GORASP2: variants seen among roughly 807,000 people sequenced by gnomAD.
GORASP2 encodes golgi reassembly stacking protein 2, also known as Golgi reassembly-stacking protein 2.
Under a neutral mutation model 45.7 loss-of-function variants are expected in GORASP2, and 22 were observed. The ratio of observed to expected loss-of-function variants is 0.48; its 90% CI spans 0.34 to 0.69. The LOEUF is 0.69. GORASP2 is among the 30% of genes least tolerant of loss of function. The probability of loss-of-function intolerance (pLI) is 0.01; values close to 1 mark genes in which losing one functional copy is unlikely to be tolerated. For synonymous variants in GORASP2, 221 were observed against 215.6 expected (o/e 1.02, Z -0.22); for missense variants, 491 against 562.7 (o/e 0.87, Z 1.29).
intron 6 of GORASP2, 133 bp downstream of exon 6, chr2:170,954,915 T>G: frequency 1.5e-6 from 1 of 653,472 alleles, no homozygotes; most frequent in South Asian, 2.3e-5. Context: ...TGTGTTACAT[T>G]TGAGGTTCCT....
chr2:170,955,218 GA>G (rs145663658), intron 6 of GORASP2, among the ~76,000 whole-genome samples: 2 of 152,208 alleles, frequency 1.3e-5, no homozygotes, highest in South Asian at 4.2e-4. Context: ...TGAAAGGAGT[GA>G]AAAAAACCAT....
chr2:170,937,659 A>T (rs1703987069), intron 1 of GORASP2, among the ~76,000 whole-genome samples: 2 of 152,082 alleles, frequency 1.3e-5, no homozygotes, highest in African/African-American at 4.8e-5. Flanking sequence ...GAGAGAGGGA[A>T]GGAGGGAGGG....
At chr2:170,933,757 G>T (rs1236878012) in intron 1 of GORASP2, among the ~76,000 whole-genome samples, 1 of 152,190 alleles carries the variant, frequency 6.6e-6, no homozygotes, top group Non-Finnish European at 1.5e-5. Flanking sequence ...CAAGTATTCA[G>T]TGTGGAGACT....
chr2:170,941,853 C>A (rs1350252714), intron 1 of GORASP2, among the ~76,000 whole-genome samples: 1 of 151,996 alleles, frequency 6.6e-6, no homozygotes, highest in African/African-American at 2.4e-5. Flanking sequence ...CATGTGTATA[C>A]CCATTTCTGT....
chr2:170,929,982 CT>C, intron 1 of GORASP2: 1 of 335,266 alleles, frequency 3.0e-6, no homozygotes, highest in South Asian at 2.2e-5. Flanking sequence ...TTTGACCAGA[CT>C]TTTCCTTTCC....
At chr2:170,957,974 A>G (rs147411864) in intron 7 of GORASP2, among the ~76,000 whole-genome samples, 1 of 151,984 alleles carries the variant, frequency 6.6e-6, no homozygotes, top group Non-Finnish European at 1.5e-5. Context: ...AATACCTTTT[A>G]TTTCTGGGCT....
upstream of GORASP2, chr2:170,929,247 C>G: frequency 1.0e-6 from 1 of 995,870 alleles, no homozygotes; most frequent in Non-Finnish European, 1.3e-6. Context: ...GCGAGTGCCA[C>G]GTCCCAAGTG....
At chr2:170,962,455 T>C (rs1704584372) in intron 8 of GORASP2, among the ~76,000 whole-genome samples, 1 of 152,226 alleles carries the variant, frequency 6.6e-6, no homozygotes, top group Non-Finnish European at 1.5e-5. Context: ...ATAAGAAATT[T>C]TAAAAGTCAT....
intron 5 of GORASP2, among the ~76,000 whole-genome samples, chr2:170,952,158 G>C (rs1704313943): frequency 6.6e-6 from 1 of 152,154 alleles, no homozygotes; most frequent in Admixed American, 6.5e-5. Flanking sequence ...TCTCTAGTTA[G>C]AAGAATACTC....
At chr2:170,955,832 T>C (rs898182413) in intron 6 of GORASP2, among the ~76,000 whole-genome samples, 20 of 152,226 alleles carry the variant, frequency 1.3e-4, no homozygotes. Context: ...CGGAATGTAC[T>C]GAAGGGCACT....
chr2:170,945,654 A>C (rs1244220298), intron 1 of GORASP2, among the ~76,000 whole-genome samples: 1 of 152,176 alleles, frequency 6.6e-6, no homozygotes, highest in East Asian at 1.9e-4. Flanking sequence ...TAGACGTTGA[A>C]CCGTCTATAT....
At chr2:170,936,759 G>C (rs562066345) in intron 1 of GORASP2, 6 of 604,276 alleles carry the variant, frequency 9.9e-6, no homozygotes, top group Admixed American at 2.4e-5. Flanking sequence ...TTAAGACCAC[G>C]CTGGGCAACA....
At chr2:170,950,148 C>A in intron 3 of GORASP2, 56 bp from the exon 4 acceptor site, 1 of 856,122 alleles carries the variant, frequency 1.2e-6, no homozygotes, top group South Asian at 1.7e-5. Context: ...GACTATAAAC[C>A]TTGGAAGATT....
At position 170,949,527 on chromosome 2, in the gene GORASP2, A is replaced by G. The variant is rs375691634; in HGVS notation, c.145-12A>G. On this transcript the variant is annotated splice_polypyrimidine_tract_variant and intron_variant, in intron 2 of 9. Transcript: ENST00000234160. ...TTATTTACTAAGGAATGTGATTTCT[A>G]TGTGTTCACAGAATAAAGACAATGA... is the stretch of plus-strand genomic sequence containing the variant. The G allele has an allele frequency of 7.6e-5, 122 of 1,601,762 alleles. No homozygotes were observed. Among genetic ancestry groups the G allele is most frequent in the South Asian group, 1.1e-4 (10 of 90,794 alleles).
chr2:170,933,473 G>C (rs1259051999), intron 1 of GORASP2, among the ~76,000 whole-genome samples: 1 of 152,048 alleles, frequency 6.6e-6, no homozygotes, highest in African/African-American at 2.4e-5. Context: ...AAACAAATCA[G>C]GGCCTAACCA....
At chr2:170,963,633 G>A (rs1481016769) in intron 9 of GORASP2, among the ~76,000 whole-genome samples, 2 of 151,804 alleles carry the variant, frequency 1.3e-5, no homozygotes, top group Admixed American at 6.6e-5. Context: ...GGCTGGGCTT[G>A]TATTTTTTGT....
Position 170,966,270 on chromosome 2 carries a change from G to A in GORASP2, c.*140G>A, listed in dbSNP as rs1173320878. 44 of 677,942 alleles carry A rather than the reference G, an allele frequency of 6.5e-5. No individual in the cohort carries two copies. Among genetic ancestry groups the A allele is most frequent in the Middle Eastern group, 2.9e-4 (1 of 3,394 alleles). The allele number at this position is 677,942 out of a possible 1,614,324, so 42.0% of individuals were successfully genotyped here. ...AATAATTCCAAGGGGAAAACTAAAC[G>A]AGGACGTGGGTTGTATCCTGCCAGG... On this transcript the variant is annotated 3_prime_UTR_variant, in exon 10 of 10. Coordinates refer to ENST00000234160, the MANE Select transcript of GORASP2 (RefSeq NM_015530.5).
chr2:170,954,477 C>T, intron 5 of GORASP2, 173 bp from the exon 6 acceptor site: 1 of 591,940 alleles, frequency 1.7e-6, no homozygotes, highest in Non-Finnish European at 3.0e-6. Flanking sequence ...ATGACATTAT[C>T]TAAAAGAATA....
chr2:170,939,496 C>T (rs557695631), intron 1 of GORASP2, among the ~76,000 whole-genome samples: 1 of 152,292 alleles, frequency 6.6e-6, no homozygotes, highest in South Asian at 2.1e-4. Flanking sequence ...CTTCAGTTAC[C>T]TTTGGTCAAC....
Sources: gnomAD v4.1 joint callset for allele counts (sites outside exome capture counted in the v4.1 genomes callset) on GRCh38, gnomAD v4.1.1 for gene constraint, MANE v1.5 for transcripts, NCBI Gene and HGNC (gene_info 2026-07-23, HGNC 2026-07-21) for gene names.